WBP2NL: variants seen among roughly 807,000 people sequenced by gnomAD.
The protein encoded by WBP2NL is postacrosomal sheath WW domain-binding protein.
In WBP2NL, 27 loss-of-function variants were observed where a neutral mutation model predicts 23.3. The ratio of observed to expected loss-of-function variants is 1.16; its 90% CI spans 0.85 to 1.60. The LOEUF (loss-of-function observed/expected upper bound fraction) is 1.60. Ranked by LOEUF, WBP2NL falls within the 40% of genes most tolerant of loss-of-function variation. The probability of loss-of-function intolerance (pLI) is 0.00; values close to 1 mark genes in which losing one functional copy is unlikely to be tolerated. For synonymous variants in WBP2NL, 151 were observed against 145.9 expected (o/e 1.03, Z -0.25); for missense variants, 370 against 389.5 (o/e 0.95, Z 0.42).
At chr22:42,020,868 G>GTATATGTATATGTATATA (rs1483881577) in intron 4 of WBP2NL, among the ~76,000 whole-genome samples, 2 of 15,248 alleles carry the variant, frequency 1.3e-4, no homozygotes, top group Non-Finnish European at 2.0e-4. Context: ...GTGTGTGTGT[G>GTATATGTATATGTATATA]TATATATATA....
At chr22:42,044,624 G>C (rs1925515163) in intron 8 of WBP2NL, among the ~76,000 whole-genome samples, 2 of 152,118 alleles carry the variant, frequency 1.3e-5, no homozygotes, top group South Asian at 4.1e-4. Flanking sequence ...GCAACGAGGG[G>C]AGACCCTGTC....
At chr22:42,011,197 A>T (rs892596141) in intron 1 of WBP2NL, among the ~76,000 whole-genome samples, 1 of 152,190 alleles carries the variant, frequency 6.6e-6, no homozygotes, top group Non-Finnish European at 1.5e-5. Context: ...GAAGAGTTTC[A>T]GAAAGATTAG....
intron 8 of WBP2NL, among the ~76,000 whole-genome samples, chr22:42,052,603 T>C (rs1479572917): frequency 1.3e-5 from 2 of 152,182 alleles, no homozygotes; most frequent in Non-Finnish European, 2.9e-5. Context: ...TATTTTTTCC[T>C]TGGAGTCCAG....
chr22:42,036,894 T>G (rs1487581427), downstream of WBP2NL, among the ~76,000 whole-genome samples: 2 of 152,220 alleles, frequency 1.3e-5, no homozygotes, highest in Non-Finnish European at 2.9e-5. Flanking sequence ...TTTTCATTTT[T>G]TGGATTATTT....
At chr22:42,031,469 C>A (rs1253978977), downstream of WBP2NL, 2 of 152,162 alleles carry the variant, frequency 1.3e-5, no homozygotes, top group Non-Finnish European at 2.9e-5. Flanking sequence ...AATACAGAAA[C>A]TATACTCTGT....
intron 1 of WBP2NL, chr22:42,003,605 A>T (rs570425223): frequency 5.9e-5 from 9 of 152,114 alleles, no homozygotes; most frequent in Admixed American, 2.0e-4. Context: ...AGATGTTATT[A>T]AAAAAAAGAA....
downstream of WBP2NL, among the ~76,000 whole-genome samples, chr22:42,036,213 C>T (rs529006537): frequency 2.2e-4 from 33 of 152,086 alleles, no homozygotes; most frequent in Admixed American, 8.5e-4. Context: ...CTCGCTCTGT[C>T]GCCCAGGTTG....
intron 1 of WBP2NL, chr22:42,000,944 G>C (rs146878009): frequency 2.5e-5 from 9 of 366,926 alleles, no homozygotes; most frequent in African/African-American, 1.7e-4. Context: ...AGTGAGCCGA[G>C]ATTGTGCCAC....
At chr22:42,001,015 A>C in intron 1 of WBP2NL, 1 of 619,340 alleles carries the variant, frequency 1.6e-6, no homozygotes, top group Non-Finnish European at 2.8e-6. Context: ...TGCTCAAGAT[A>C]TGTCATATAA....
chr22:42,027,410 G>T lies in WBP2NL; in HGVS notation c.*229G>T. The stretch of plus-strand genomic sequence containing the variant: ...TGGCTAAAGGAAGAATACCATTGTG[G>T]GGCTAATTCCCCAGTAATTTGGTTG... On this transcript the variant is annotated 3_prime_UTR_variant, in exon 6 of 6. Coordinates refer to ENST00000328823, the MANE Select transcript of WBP2NL (RefSeq NM_152613.3). 2 of 519,004 alleles carry T rather than the reference G, an allele frequency of 3.9e-6. No homozygotes were observed. Among genetic ancestry groups the T allele is most frequent in the Non-Finnish European group, 6.4e-6 (2 of 313,580 alleles). 32.1% of individuals were successfully genotyped at this position (519,004 alleles called of 1,614,324 possible). A position where few individuals can be genotyped will look rare whatever the true frequency, so the allele number is the denominator to read the frequency against.
chr22:41,999,133 GC>G (rs1921268483), intron 1 of WBP2NL, among the ~76,000 whole-genome samples: 1 of 136,842 alleles, frequency 7.3e-6, no homozygotes, highest in African/African-American at 2.7e-5. Context: ...AAGGCGCGGG[GC>G]CCAGACGCAT....
intron 8 of WBP2NL, among the ~76,000 whole-genome samples, chr22:42,044,775 A>G (rs1925520516): frequency 6.6e-6 from 1 of 152,166 alleles, no homozygotes; most frequent in East Asian, 1.9e-4. Flanking sequence ...ACTGCATTCC[A>G]GCATGGGTGA....
At chr22:42,034,074 T>C (rs921368306), downstream of WBP2NL, among the ~76,000 whole-genome samples, 1 of 152,178 alleles carries the variant, frequency 6.6e-6, no homozygotes, top group Non-Finnish European at 1.5e-5. Flanking sequence ...CCCCTCAGTT[T>C]CCTTCTATGC....
At chr22:42,015,785 T>C (rs1337893297) in intron 1 of WBP2NL, among the ~76,000 whole-genome samples, 3 of 152,132 alleles carry the variant, frequency 2.0e-5, no homozygotes, top group African/African-American at 7.2e-5. Flanking sequence ...TTTTTGTTTG[T>C]TTTTAGTATG....
intron 1 of WBP2NL, among the ~76,000 whole-genome samples, chr22:42,004,397 C>T (rs986614578): frequency 2.0e-5 from 3 of 152,118 alleles, no homozygotes; most frequent in African/African-American, 7.2e-5. Flanking sequence ...AGTTTAAGAC[C>T]AGCCTGGGCA....
chr22:42,022,347 C>A lies in WBP2NL; in HGVS notation c.505C>A (p.Pro169Thr). 1.2e-6 allele frequency: 2 copies of A among 1,611,616 alleles called. No homozygotes were observed. The highest frequency in any genetic ancestry group is 1.1e-5 in the South Asian group (1 of 90,732). Residue 169 changes from proline to threonine, a missense_variant, in exon 5 of 6, where the codon CCT (proline) becomes ACT (threonine). Physicochemically the swap from Pro to Thr is conservative, Grantham distance 38. Transcript: ENST00000328823. ...AGGGAATATGTGCACTCCACAGATGCCTTGTTCAGGTAAGGTATGGCAGAG... is the reference window on the plus strand; with the variant it reads ...AGGGAATATGTGCACTCCACAGATGACTTGTTCAGGTAAGGTATGGCAGAG... ...GEGNMCTPQM[P>T]CSVIVYGAPP...
downstream of WBP2NL, among the ~76,000 whole-genome samples, chr22:42,034,595 C>G (rs545928724): frequency 3.3e-5 from 5 of 152,112 alleles, no homozygotes; most frequent in Non-Finnish European, 7.3e-5. Flanking sequence ...TGAGATCACC[C>G]GGTCTGACCA....
chr22:42,019,289 G>A lies in WBP2NL; in HGVS notation c.63-22G>A, dbSNP rs370185014. On this transcript the variant is annotated intron_variant, in intron 1 of 5. Coordinates refer to ENST00000328823, the MANE Select transcript of WBP2NL (RefSeq NM_152613.3). ...TTACATACATTCTTTATTGTGTGCC[G>A]TCTGTTCCTCATTTTCTACAGTCTC... 48 of 1,595,372 alleles carry A rather than the reference G, an allele frequency of 3.0e-5. No homozygotes were observed. The East Asian group carries it at 5.4e-4, about 18-fold the overall frequency.
intron 8 of WBP2NL, among the ~76,000 whole-genome samples, chr22:42,053,831 T>C (rs749903188): frequency 6.6e-6 from 1 of 152,180 alleles, no homozygotes; most frequent in African/African-American, 2.4e-5. Context: ...TCAAATTCTT[T>C]GTCTATTTTT....
Sources: allele counts gnomAD v4.1 joint callset (sites outside exome capture counted in the v4.1 genomes callset), GRCh38; gene constraint gnomAD v4.1.1; transcripts MANE v1.5; gene names NCBI Gene and HGNC (gene_info 2026-07-23, HGNC 2026-07-21).